The following LTBP1 variants were observed in gnomAD, a reference collection of about 807,000 sequenced individuals.
The protein encoded by LTBP1 is latent transforming growth factor beta binding protein 1.
In LTBP1, 129 loss-of-function variants were observed where a neutral mutation model predicts 207.6. The ratio of observed to expected loss-of-function variants is 0.62; its 90% confidence interval spans 0.54 to 0.72. LTBP1 has a LOEUF of 0.72. Ranked by LOEUF, LTBP1 falls within the 30% of genes least tolerant of loss-of-function variation. The pLI, the probability that LTBP1 is intolerant of heterozygous loss-of-function variation, is 0.00. For synonymous variants in LTBP1, 963 were observed against 833.7 expected, an observed-to-expected ratio of 1.16 and a Z score of -2.67; for missense variants, 2,281 against 2,217.2, an observed-to-expected ratio of 1.03 and a Z score of -0.58.
At chr2:33,267,285 G>T (rs558610527) in intron 15 of LTBP1, among the ~76,000 whole-genome samples, 1 of 152,302 alleles carries the variant, frequency 6.6e-6, no homozygotes, top group Non-Finnish European at 1.5e-5. Context: ...TGTGGGATCT[G>T]GGCTGGCAGC....
intron 18 of LTBP1, among the ~76,000 whole-genome samples, chr2:33,279,729 G>A (rs2093519970): frequency 6.6e-6 from 1 of 152,164 alleles, no homozygotes; most frequent in African/African-American, 2.4e-5. Flanking sequence ...TTACTTGAAA[G>A]GTTTCATGTC....
chr2:33,273,825 T>C, intron 16 of LTBP1, 44 bp downstream of exon 16: 1 of 1,531,490 alleles, frequency 6.5e-7, no homozygotes, highest in Non-Finnish European at 8.8e-7. Context: ...TATCAAACAT[T>C]TGAACATTAA....
At chr2:33,249,595 A>G (rs1224723616) in intron 10 of LTBP1, among the ~76,000 whole-genome samples, 1 of 152,192 alleles carries the variant, frequency 6.6e-6, no homozygotes, top group Non-Finnish European at 1.5e-5. Context: ...ATACTTGGGT[A>G]CAGAGCTATA....
intron 2 of LTBP1, among the ~76,000 whole-genome samples, chr2:33,011,184 C>T (rs894250774): frequency 1.3e-5 from 2 of 152,110 alleles, no homozygotes; most frequent in Non-Finnish European, 2.9e-5. Context: ...TATGGCCAGT[C>T]ATTTACAGAA....
At chr2:33,337,787 C>T (rs2094570023) in intron 24 of LTBP1, among the ~76,000 whole-genome samples, 1 of 152,176 alleles carries the variant, frequency 6.6e-6, no homozygotes, top group African/African-American at 2.4e-5. Context: ...TTGGATGATT[C>T]AAAATATAGT....
intron 3 of LTBP1, among the ~76,000 whole-genome samples, chr2:33,065,382 C>T (rs2077459739): frequency 6.6e-6 from 1 of 151,952 alleles, no homozygotes; most frequent in South Asian, 2.1e-4. Flanking sequence ...AATGAGACTC[C>T]ATCTCTACAA....
chr2:33,297,597 A>G (rs1214717693), intron 20 of LTBP1, among the ~76,000 whole-genome samples: 1 of 151,776 alleles, frequency 6.6e-6, no homozygotes, highest in Non-Finnish European at 1.5e-5. Flanking sequence ...ACACCTGGCT[A>G]ATTTTTGTAT....
Position 33,031,408 on chromosome 2 carries a change from C to A in LTBP1, c.863+10202C>A, listed in dbSNP as rs112652251. ...ATTCTCAATAGTTGATTCATTCATT[C>A]CATCAGCAGATATTTACTGAGTGCC... On this transcript the variant is annotated intron_variant, in intron 3 of 33. Transcript: ENST00000404816. Among the ~76,000 whole-genome samples, 5 of 152,208 alleles carry A rather than the reference C, an allele frequency of 3.3e-5. 1 individual carries two copies. The highest frequency in any genetic ancestry group is 7.3e-5 in the Non-Finnish European group (5 of 68,040).
At chr2:33,298,351 G>A (rs114154760) in intron 20 of LTBP1, among the ~76,000 whole-genome samples, 9 of 152,226 alleles carry the variant, frequency 5.9e-5, no homozygotes, top group South Asian at 2.1e-4. Flanking sequence ...AGTCAGTTAC[G>A]TAAGATGTCT....
intron 2 of LTBP1, among the ~76,000 whole-genome samples, chr2:32,954,141 G>A (rs1677655022): frequency 6.6e-6 from 1 of 152,144 alleles, no homozygotes; most frequent in Admixed American, 6.5e-5. Flanking sequence ...TACTGCCCTG[G>A]GCTTCCTGGA....
chr2:33,270,987 T>C (rs561123428), intron 15 of LTBP1, among the ~76,000 whole-genome samples: 1 of 152,256 alleles, frequency 6.6e-6, no homozygotes, highest in Non-Finnish European at 1.5e-5. Context: ...TAAAGAGTTA[T>C]ACTTCTTCAC....
intron 3 of LTBP1, among the ~76,000 whole-genome samples, chr2:33,079,047 C>T (rs773803054): frequency 4.0e-4 from 60 of 151,662 alleles, no homozygotes; most frequent in Non-Finnish European, 6.9e-4. Flanking sequence ...TTAGTAGAGA[C>T]GGGGTTTCAC....
chr2:33,072,740 A>G (rs1421358530), intron 3 of LTBP1, among the ~76,000 whole-genome samples: 2 of 152,176 alleles, frequency 1.3e-5, no homozygotes, highest in African/African-American at 2.4e-5. Flanking sequence ...GTATATTAAT[A>G]TATATGTCAT....
intron 6 of LTBP1, 54 bp downstream of exon 6, chr2:33,187,134 C>T: frequency 6.7e-7 from 1 of 1,502,044 alleles, no homozygotes; most frequent in Non-Finnish European, 9.2e-7. Context: ...CTGCCAAACC[C>T]ACATAGAAGT....
chr2:33,342,280 G>T (rs1304589347), intron 24 of LTBP1, among the ~76,000 whole-genome samples: 1 of 152,194 alleles, frequency 6.6e-6, no homozygotes, highest in African/African-American at 2.4e-5. Context: ...GCTGTAAATT[G>T]GTGGCATCAA....
At chr2:33,081,364 T>C (rs1191329987) in intron 3 of LTBP1, among the ~76,000 whole-genome samples, 2 of 152,086 alleles carry the variant, frequency 1.3e-5, no homozygotes, top group Non-Finnish European at 2.9e-5. Context: ...TACACAGATA[T>C]ACATATACAC....
intron 2 of LTBP1, among the ~76,000 whole-genome samples, chr2:33,016,682 G>A (rs962106377): frequency 2.0e-5 from 3 of 151,898 alleles, no homozygotes; most frequent in Admixed American, 2.0e-4. Flanking sequence ...TGCTGGCCAG[G>A]AAAAAGCAAT....
intron 3 of LTBP1, among the ~76,000 whole-genome samples, chr2:33,032,102 T>C (rs551500688): frequency 6.6e-6 from 1 of 152,346 alleles, no homozygotes; most frequent in South Asian, 2.1e-4. Flanking sequence ...TAAGGAATTA[T>C]GTGTAGTCTA....
At chr2:33,229,165 T>G (rs2091642430) in intron 9 of LTBP1, among the ~76,000 whole-genome samples, 1 of 152,186 alleles carries the variant, frequency 6.6e-6, no homozygotes. Flanking sequence ...TTTGTTTTAT[T>G]TCATTAAAAA....
Sources: gnomAD v4.1 joint callset for allele counts (sites outside exome capture counted in the v4.1 genomes callset) on GRCh38, gnomAD v4.1.1 for gene constraint, MANE v1.5 for transcripts, NCBI Gene and HGNC (gene_info 2026-07-23, HGNC 2026-07-21) for gene names.